The following NAA25 variants were observed in gnomAD, a reference collection of about 807,000 sequenced individuals.
NAA25 encodes the protein N-alpha-acetyltransferase 25, NatB auxiliary subunit.
In NAA25, 30 loss-of-function variants were observed where a neutral mutation model predicts 132.5. The ratio of observed to expected loss-of-function variants is 0.23; its 90% CI spans 0.17 to 0.31. NAA25 has a LOEUF of 0.31. Ranked by LOEUF, NAA25 falls within the 10% of genes least tolerant of loss-of-function variation. The pLI is 1.00. For missense variants in NAA25, 771 were observed against 1,150.4 expected (o/e 0.67, Z 4.77); for synonymous variants, 359 against 401.9 (o/e 0.89, Z 1.28).
chr12:112,074,040 A>G (rs184231483), intron 9 of NAA25, among the ~76,000 whole-genome samples: 186 of 152,208 alleles, frequency 1.2e-3, no homozygotes, highest in South Asian at 6.6e-3. Context: ...TATTAAATAT[A>G]AGAATAATTA....
At position 112,039,260 on chromosome 12, in the gene NAA25, T is replaced by C; in HGVS notation, c.2618A>G (p.Lys873Arg). 1 of 1,605,896 alleles carries C rather than the reference T, an allele frequency of 6.2e-7. No individual in the cohort carries two copies. The highest frequency in any genetic ancestry group is 8.5e-7 in the Non-Finnish European group (1 of 1,176,280). Residue 873 changes from lysine to arginine, a missense_variant, in exon 22 of 24, where the codon AAA (lysine) becomes AGA (arginine). Around this residue, in one of 3 missense-constraint regions of NAA25, gnomAD observed 324 missense variants for 400.0 expected, o/e 0.81. Transcript: ENST00000261745. Reference protein sequence around the residue: ...RPYKLNLQKKKKKKKETSIIM... With the variant: ...RPYKLNLQKKRKKKKETSIIM... ...GATGCTGGTTTCTTTTTTCTTCTTT[T>C]TCTTTTTCTGTAAATTTAGTTTGTA...
At chr12:112,064,999 A>G (rs577293739) in intron 11 of NAA25, among the ~76,000 whole-genome samples, 6 of 152,228 alleles carry the variant, frequency 3.9e-5, no homozygotes, top group African/African-American at 1.4e-4. Context: ...GCGCCATTGC[A>G]CTCTAGCCTG....
chr12:112,048,218 C>G, intron 16 of NAA25, 74 bp downstream of exon 16: 1 of 1,426,792 alleles, frequency 7.0e-7, no homozygotes, highest in Non-Finnish European at 9.6e-7. Context: ...CCAATAACAC[C>G]CATGAGCCCA....
intron 1 of NAA25, among the ~76,000 whole-genome samples, chr12:112,105,541 G>A (rs1160705278): frequency 1.3e-5 from 2 of 152,130 alleles, no homozygotes; most frequent in African/African-American, 4.8e-5. Context: ...ACACAGAAAA[G>A]CTATTCCAAC....
chr12:112,040,625 C>T (rs760580701), intron 20 of NAA25, 47 bp from the exon 21 acceptor site: 3 of 1,002,652 alleles, frequency 3.0e-6, no homozygotes, highest in Non-Finnish European at 4.6e-6. Context: ...TGTTTCAATG[C>T]TATTTTAAGG....
intron 4 of NAA25, among the ~76,000 whole-genome samples, chr12:112,083,632 A>C (rs1350614701): frequency 2.0e-5 from 3 of 152,238 alleles, no homozygotes; most frequent in Admixed American, 6.5e-5. Context: ...CCTGCTTCTA[A>C]CACTGGGGTA....
In NAA25 at chr12:112,075,538, C is replaced by G. The variant is rs1013904358; in HGVS notation, c.776+140G>C. ...CTGAAAGATGAAGGCTCCTTAAAAA[C>G]TTTTAGAAACATGCAGGACACAACT... On this transcript the variant is annotated intron_variant, in intron 8 of 23. Transcript: ENST00000261745. The G allele has an allele frequency of 5.2e-5, 33 of 635,458 alleles. No homozygotes were observed. In the African/African-American group the frequency reaches 6.1e-4, roughly 12 times the overall value. The allele number at this position is 635,458 out of a possible 1,614,324, so 39.4% of individuals were successfully genotyped here.
intron 1 of NAA25, chr12:112,097,512 T>G (rs949416529): frequency 2.1e-5 from 3 of 145,796 alleles, no homozygotes; most frequent in Non-Finnish European, 4.5e-5. Context: ...GAGGCTGAGG[T>G]AGGAGAATGG....
intron 3 of NAA25, chr12:112,090,170 T>C (rs1232730781): frequency 6.6e-6 from 1 of 152,084 alleles, no homozygotes; most frequent in Non-Finnish European, 1.5e-5. Context: ...TTCATGAGTT[T>C]TCATTATTAC....
chr12:112,042,202 A>C (rs1237333019), intron 19 of NAA25, 98 bp from the exon 20 acceptor site: 3 of 529,590 alleles, frequency 5.7e-6, no homozygotes, highest in African/African-American at 2.0e-5. Context: ...GGGCAAGGAC[A>C]TTTTCTTCTC....
intron 1 of NAA25, among the ~76,000 whole-genome samples, chr12:112,103,384 A>C (rs557489589): frequency 2.6e-5 from 4 of 152,358 alleles, no homozygotes; most frequent in African/African-American, 9.6e-5. Context: ...AAAGACCAAC[A>C]GGGACTGTTT....
At chr12:112,053,746 G>T in intron 14 of NAA25, 89 bp from the exon 15 acceptor site, 1 of 783,900 alleles carries the variant, frequency 1.3e-6, no homozygotes, top group South Asian at 1.9e-5. Context: ...AAATTACTTG[G>T]CAAAAAAATA....
intron 3 of NAA25, 104 bp downstream of exon 3, chr12:112,090,622 G>GT: frequency 8.5e-7 from 1 of 1,171,722 alleles, no homozygotes; most frequent in Non-Finnish European, 1.2e-6. Flanking sequence ...TCTACCTACT[G>GT]TATCCATTCA....
intron 6 of NAA25, 112 bp downstream of exon 6, chr12:112,078,522 G>GT: frequency 3.0e-6 from 3 of 997,486 alleles, no homozygotes; most frequent in Non-Finnish European, 4.5e-6. Context: ...AAGGCCAAAA[G>GT]TGAGGACCCA....
At chr12:112,060,247 G>A in intron 13 of NAA25, 23 bp downstream of exon 13, 4 of 1,535,248 alleles carry the variant, frequency 2.6e-6, no homozygotes, top group Middle Eastern at 1.7e-4. Context: ...AAGTAAAGTT[G>A]AACTGAAATC....
intron 17 of NAA25, among the ~76,000 whole-genome samples, chr12:112,046,240 C>G (rs1324017629): frequency 6.6e-6 from 1 of 152,216 alleles, no homozygotes; most frequent in Non-Finnish European, 1.5e-5. Flanking sequence ...TACTGGGTTT[C>G]CCTGAGCAGG....
chr12:112,041,991 G>T, intron 20 of NAA25, 48 bp downstream of exon 20: 2 of 1,128,674 alleles, frequency 1.8e-6, no homozygotes, highest in Non-Finnish European at 2.5e-6. Context: ...CGAAGCTATT[G>T]CCATACAACC....
intron 1 of NAA25, among the ~76,000 whole-genome samples, chr12:112,105,410 A>C (rs1394381697): frequency 6.6e-6 from 1 of 152,220 alleles, no homozygotes; most frequent in Non-Finnish European, 1.5e-5. Flanking sequence ...GCAAAAGGAG[A>C]CCAAATAATC....
Position 112,053,591 on chromosome 12 carries a change from G to A in NAA25, c.1695C>T (p.Phe565=), listed in dbSNP as rs781237424. 3.1e-6 allele frequency: 5 copies of A among 1,607,982 alleles called. No homozygotes were observed. Among genetic ancestry groups the A allele is most frequent in the East Asian group, 2.2e-5 (1 of 44,864 alleles). Residue 565 remains phenylalanine, a synonymous_variant, in exon 15 of 24, where the codon TTC becomes TTT. Transcript: ENST00000261745. ...GGTTGGAGTGAAAAAACCTGAGTGC[G>A]AAGTTACAGGATTGGGACGCAGCAG... ...QYAAASQSCN[F]ALRFFHSNQK...
Sources: gnomAD v4.1 joint callset for allele counts (sites outside exome capture counted in the v4.1 genomes callset) on GRCh38, gnomAD v4.1.1 for gene constraint, gnomAD v4.1.1 regional missense constraint, MANE v1.5 for transcripts, NCBI Gene and HGNC (gene_info 2026-07-23, HGNC 2026-07-21) for gene names.